Variants in VASP observed in about 807,000 individuals in gnomAD.
VASP encodes vasodilator stimulated phosphoprotein, also known as vasodilator-stimulated phosphoprotein.
A neutral mutation model predicts 54.4 loss-of-function variants in VASP; 27 were observed. That is an observed-to-expected ratio of 0.50 (90% confidence interval 0.37 to 0.68). The LOEUF (loss-of-function observed/expected upper bound fraction) is 0.68, where lower values mean the gene tolerates loss of function less well. Ranked by LOEUF, VASP falls within the 30% of genes least tolerant of loss-of-function variation. The pLI, the probability that VASP is intolerant of heterozygous loss-of-function variation, is 0.00. For missense variants in VASP, 488 were observed against 528.3 expected (o/e 0.92, Z 0.75); for synonymous variants, 233 against 209.8 (o/e 1.11, Z -0.96).
In VASP at chr19:45,524,638, C is replaced by T. The variant is rs777310575; in HGVS notation, c.1025C>T (p.Ser342Leu). ...TGCACGCCCAGCTCCAGTGATTACTCGGACCTACAGAGGGTGAAACAGGTA... is the reference window on the plus strand; with the variant it reads ...TGCACGCCCAGCTCCAGTGATTACTTGGACCTACAGAGGGTGAAACAGGTA... Reference protein sequence around the residue: ...QPCTPSSSDYSDLQRVKQELL... With the variant: ...QPCTPSSSDYLDLQRVKQELL... The change falls in exon 11 of 13, where the codon TCG becomes TTG. Residue 342 changes from serine to leucine, a missense_variant. Physicochemically the swap from Ser to Leu is moderately radical, Grantham distance 145 (BLOSUM62 -2). This residue lies in a region of VASP where 126 missense variants were observed against 134.8 expected (regional missense o/e 0.94). Transcript: ENST00000245932. 3.1e-6 allele frequency: 5 copies of T among 1,613,808 alleles called. No homozygotes were observed. Among genetic ancestry groups the T allele is most frequent in the Admixed American group, 3.3e-5 (2 of 59,990 alleles).
chr19:45,526,179 C>T lies in VASP; in HGVS notation c.*2C>T, dbSNP rs1968964051. On this transcript the variant is annotated 3_prime_UTR_variant, in exon 13 of 13. Coordinates refer to ENST00000245932, the MANE Select transcript of VASP (RefSeq NM_003370.4). Reference sequence around the variant, plus strand: ...CTGAGGAAGCGGGGTTCTCCCTGACCACAGGGACCCAGAAGACCCGCTTCT... The same window carrying T: ...CTGAGGAAGCGGGGTTCTCCCTGACTACAGGGACCCAGAAGACCCGCTTCT... 2 of 1,608,758 alleles carry T rather than the reference C, an allele frequency of 1.2e-6. No homozygotes were observed. Among genetic ancestry groups the T allele is most frequent in the Non-Finnish European group, 1.7e-6 (2 of 1,178,814 alleles).
At chr19:45,510,066 C>G (rs976689258) in intron 1 of VASP, among the ~76,000 whole-genome samples, 9 of 152,186 alleles carry the variant, frequency 5.9e-5, no homozygotes, top group Non-Finnish European at 7.3e-5. Flanking sequence ...GGTCTAGAAT[C>G]TCAGGGCAGA....
chr19:45,523,734 C>A (rs201532151), intron 8 of VASP, 39 bp downstream of exon 8: 1 of 1,613,780 alleles, frequency 6.2e-7, no homozygotes, highest in Non-Finnish European at 8.5e-7. Context: ...TCTCTTAGGC[C>A]GTACCATGAG....
chr19:45,518,762 T>G (rs973429754), intron 3 of VASP, among the ~76,000 whole-genome samples: 3 of 152,156 alleles, frequency 2.0e-5, no homozygotes, highest in African/African-American at 7.2e-5. Flanking sequence ...CCTCCTGGGC[T>G]CAAGTGATCC....
At chr19:45,512,553 G>A (rs183882973) in intron 1 of VASP, among the ~76,000 whole-genome samples, 176 of 151,762 alleles carry the variant, frequency 1.2e-3, no homozygotes, top group African/African-American at 3.6e-3. Context: ...CTCCCAAAGT[G>A]CTGGGATTAC....
At chr19:45,520,077 G>A (rs1968798912) in intron 3 of VASP, among the ~76,000 whole-genome samples, 1 of 148,348 alleles carries the variant, frequency 6.7e-6, no homozygotes, top group African/African-American at 2.5e-5. Context: ...AATTTTTGTA[G>A]TTTTAGTAGA....
chr19:45,521,928 T>C (rs1968844166), intron 4 of VASP, among the ~76,000 whole-genome samples: 1 of 151,916 alleles, frequency 6.6e-6, no homozygotes, highest in African/African-American at 2.4e-5. Flanking sequence ...TAATTCGGTG[T>C]TCCTGACAGT....
In VASP at chr19:45,507,583, G is replaced by C; in HGVS notation, c.-189G>C. The C allele has an allele frequency of 1.6e-6, 1 of 610,854 alleles. No homozygotes were observed. Among genetic ancestry groups the C allele is most frequent in the Non-Finnish European group, 2.7e-6 (1 of 372,144 alleles). 37.8% of individuals were successfully genotyped at this position (610,854 alleles called of 1,614,324 possible). Reference sequence around the variant, plus strand: ...GCAGGAACCTCTCATCAGACCGCCTGAGGGAAGCGGCGCCCGGAGACCCGC... The same window carrying C: ...GCAGGAACCTCTCATCAGACCGCCTCAGGGAAGCGGCGCCCGGAGACCCGC... On this transcript the variant is annotated 5_prime_UTR_variant, in exon 1 of 13. Coordinates refer to ENST00000245932, the MANE Select transcript of VASP (RefSeq NM_003370.4). This position sits in a 1 kb window ranked among gnomAD's most constrained non-coding sequence, Gnocchi z 4.4.
chr19:45,524,114 T>C lies in VASP; in HGVS notation c.928T>C (p.Trp310Arg), dbSNP rs1405000583. 3.1e-6 allele frequency: 5 copies of C among 1,613,910 alleles called. No homozygotes were observed. The highest frequency in any genetic ancestry group is 4.2e-6 in the Non-Finnish European group (5 of 1,180,008). The change falls in exon 10 of 13, where the codon TGG becomes CGG. Residue 310 changes from tryptophan to arginine, a missense_variant. Around this residue, in one of 4 missense-constraint regions of VASP, gnomAD observed 126 missense variants for 134.8 expected, o/e 0.94. Coordinates refer to ENST00000245932, the MANE Select transcript of VASP (RefSeq NM_003370.4). ...ATCCCCAGAATCTGTGCGGAGACCCTGGGAGAAGAACAGCACAACCTTGCC... is the reference window on the plus strand; with the variant it reads ...ATCCCCAGAATCTGTGCGGAGACCCCGGGAGAAGAACAGCACAACCTTGCC... ...PAQSESVRRP[W>R]EKNSTTLPRM...
Position 45,510,576 on chromosome 19 carries a change from C to A in VASP, c.5+2800C>A, listed in dbSNP as rs140642190. On this transcript the variant is annotated intron_variant, in intron 1 of 12. Transcript: ENST00000245932. Reference sequence around the variant, plus strand: ...CTATTACAACCTTGTGGCCTCCCCACCCCGGTACTCAGTTTATAGATGGGG... The same window carrying A: ...CTATTACAACCTTGTGGCCTCCCCAACCCGGTACTCAGTTTATAGATGGGG... Among the ~76,000 whole-genome samples, 1,327 of 152,188 alleles carry A rather than the reference C, an allele frequency of 8.7e-3. 60 individuals are homozygous for A. Among genetic ancestry groups the A allele is most frequent in the Admixed American group, 0.075 (1,142 of 15,260 alleles).
chr19:45,522,745 G>A lies in VASP; in HGVS notation c.748G>A (p.Ala250Thr), dbSNP rs751152379. 11 of 1,601,846 alleles carry A rather than the reference G, an allele frequency of 6.9e-6. No individual in the cohort carries two copies. The South Asian group carries it at 1.0e-4, about 15-fold the overall frequency. Residue 250 changes from alanine (A) to threonine (T), a missense_variant, in exon 7 of 13, where the codon GCC (alanine) becomes ACC (threonine). Ala to Thr is a moderately conservative substitution (Grantham distance 58, BLOSUM62 0). Transcript: ENST00000245932. ...GGAGGAGGCCTCAGGGGGGCCCACA[G>A]CCCCCAAAGCTGAGAGTGGTCGAAG... ...KQEEASGGPT[A>T]PKAESGRSGG...
chr19:45,526,184 G>A lies in VASP; in HGVS notation c.*7G>A, dbSNP rs556429482. On this transcript the variant is annotated 3_prime_UTR_variant, in exon 13 of 13. Coordinates refer to ENST00000245932, the MANE Select transcript of VASP (RefSeq NM_003370.4). ...GAAGCGGGGTTCTCCCTGACCACAG[G>A]GACCCAGAAGACCCGCTTCTCCTTT... 1.9e-6 allele frequency: 3 copies of A among 1,604,864 alleles called. No homozygotes were observed. The highest frequency in any genetic ancestry group is 2.7e-5 in the African/African-American group (2 of 74,282).
chr19:45,510,579 C>T (rs982105577), intron 1 of VASP, among the ~76,000 whole-genome samples: 2 of 152,042 alleles, frequency 1.3e-5, no homozygotes, highest in Non-Finnish European at 2.9e-5. Context: ...CTCCCCACCC[C>T]GGTACTCAGT....
At chr19:45,508,503 A>G (rs1326069670) in intron 1 of VASP, among the ~76,000 whole-genome samples, 1 of 152,108 alleles carries the variant, frequency 6.6e-6, no homozygotes, top group Non-Finnish European at 1.5e-5. Context: ...GCCTCCGGCC[A>G]TAAGGGCGGC....
intron 4 of VASP, among the ~76,000 whole-genome samples, chr19:45,521,813 C>T (rs543708687): frequency 5.3e-5 from 8 of 151,768 alleles, no homozygotes; most frequent in South Asian, 4.2e-4. Context: ...CGCTTGAACC[C>T]GGGAGGCAGA....
intron 7 of VASP, 138 bp from the exon 8 acceptor site, chr19:45,523,506 G>T: frequency 2.0e-6 from 2 of 999,148 alleles, no homozygotes; most frequent in South Asian, 1.7e-5. Flanking sequence ...ACAATCTCTT[G>T]AATTTCTAAA....
intron 3 of VASP, among the ~76,000 whole-genome samples, chr19:45,520,099 G>A (rs1264623122): frequency 1.3e-5 from 2 of 150,370 alleles, no homozygotes; most frequent in South Asian, 4.2e-4. Flanking sequence ...ACGGGGTTTC[G>A]CAGTGTTGGC....
rs2122345633 is a variant in VASP, at chr19:45,524,473, A to T, written c.957-97A>T. 7 of 1,277,274 alleles carry T rather than the reference A, an allele frequency of 5.5e-6. No homozygotes were observed. The South Asian group carries it at 7.4e-5, about 13-fold the overall frequency. The allele number at this position is 1,277,274 out of a possible 1,614,324, so 79.1% of individuals were successfully genotyped here. A position where few individuals can be genotyped will look rare whatever the true frequency, so the allele number is the denominator to read the frequency against. On this transcript the variant is annotated intron_variant, in intron 10 of 12. Transcript: ENST00000245932. Reference sequence around the variant, plus strand: ...AAAAATACTTGGACTTGCCCAATTTATAAGGCAGAGCTCAATGTGACCCCT... The same window carrying T: ...AAAAATACTTGGACTTGCCCAATTTTTAAGGCAGAGCTCAATGTGACCCCT...
intron 4 of VASP, 129 bp downstream of exon 4, chr19:45,521,535 C>A: frequency 1.2e-6 from 1 of 817,072 alleles, no homozygotes; most frequent in Non-Finnish European, 1.9e-6. Flanking sequence ...ACTTCTGACA[C>A]TCAGAGTTGC....
Sources: allele counts gnomAD v4.1 joint callset (sites outside exome capture counted in the v4.1 genomes callset), GRCh38; gene constraint gnomAD v4.1.1; regional missense constraint gnomAD v4.1.1; non-coding constraint Gnocchi (gnomAD v3.1); transcripts MANE v1.5; gene names NCBI Gene and HGNC (gene_info 2026-07-23, HGNC 2026-07-21).